Variants in SLC35E2B observed in about 807,000 individuals in gnomAD.
SLC35E2B encodes the protein solute carrier family 35, member E2B.
SLC35E2B carries 18 observed loss-of-function variants against 32.4 expected under a neutral mutation model. That is an observed-to-expected ratio of 0.56 (90% CI 0.38 to 0.82). The LOEUF is 0.82. Ranked by LOEUF, SLC35E2B falls within the 40% of genes least tolerant of loss-of-function variation. The pLI is 0.00. For missense variants in SLC35E2B, 263 were observed against 469.5 expected (o/e 0.56, Z 4.06); for synonymous variants, 132 against 209.1 (o/e 0.63, Z 3.18).
At chr1:1,679,509 C>T (rs72901707) in intron 2 of SLC35E2B, among the ~76,000 whole-genome samples, 11 of 152,120 alleles carry the variant, frequency 7.2e-5, no homozygotes, top group Non-Finnish European at 1.5e-4. Flanking sequence ...TTCACTGACG[C>T]TGCCGTTCTC....
At position 1,669,385 on chromosome 1, in the gene SLC35E2B, T is replaced by TA. The variant is rs1387478979; in HGVS notation, c.834+278dup. 4.6e-5 allele frequency among the ~76,000 whole-genome samples: 7 copies of TA among 151,508 alleles called. No individual in the cohort carries two copies. In the South Asian group the frequency reaches 1.0e-3, roughly 23 times the overall value. On this transcript the variant is annotated intron_variant, in intron 8 of 9. Transcript: ENST00000617444. ...AAATAAAAAAAAAAAGTTTTTCTAA[T>TA]AAAAAAAAGAAATTAAGCTAACCTA...
intron 2 of SLC35E2B, among the ~76,000 whole-genome samples, chr1:1,687,773 T>C (rs1643969501): frequency 1.3e-5 from 2 of 150,294 alleles, no homozygotes; most frequent in South Asian, 4.2e-4. Flanking sequence ...CGGGTGCCTG[T>C]AGTCCCAGCC....
In SLC35E2B at chr1:1,691,316, CCTTT is replaced by C. The variant is rs1207321357; in HGVS notation, c.-492_-489del. 4 of 150,350 alleles carry C rather than the reference CCTTT, an allele frequency of 2.7e-5. No homozygotes were observed. The highest frequency in any genetic ancestry group is 9.8e-5 in the African/African-American group (4 of 40,624). 9.3% of individuals were successfully genotyped at this position (150,350 alleles called of 1,614,324 possible). A position where few individuals can be genotyped will look rare whatever the true frequency, so the allele number is the denominator to read the frequency against. On this transcript the variant is annotated 5_prime_UTR_variant, in exon 2 of 10. The change creates a premature stop within an existing upstream ORF in the 5' untranslated region. Coordinates refer to ENST00000617444, the MANE Select transcript of SLC35E2B (RefSeq NM_001290264.2). The stretch of plus-strand genomic sequence containing the variant: ...AGAGCAGCCAGGACAGGAGCCCAGA[CCTTT>C]CTGAACCTCATCTCAGAAGTGACAT...
chr1:1,665,091 G>A lies in SLC35E2B; in HGVS notation c.*691C>T, dbSNP rs1007876922. ...CCCAGGGTGTGGAAGGGATAGGAGG[G>A]CAGGGTGTGGAAGAGGTAGGGGGCC... On this transcript the variant is annotated 3_prime_UTR_variant, in exon 10 of 10. Transcript: ENST00000617444. The A allele has an allele frequency of 2.6e-6, 1 of 383,782 alleles. No homozygotes were observed. Among genetic ancestry groups the A allele is most frequent in the Non-Finnish European group, 3.6e-6 (1 of 279,970 alleles). 23.8% of individuals were successfully genotyped at this position (383,782 alleles called of 1,614,324 possible).
At chr1:1,672,349 AAAG>A (rs1643716506) in intron 5 of SLC35E2B, 3 of 152,244 alleles carry the variant, frequency 2.0e-5, no homozygotes. Context: ...CCTTGTCTCA[AAAG>A]AAGAAAGAGA....
intron 2 of SLC35E2B, among the ~76,000 whole-genome samples, chr1:1,677,501 G>A (rs1643863910): frequency 1.4e-5 from 2 of 146,624 alleles, no homozygotes; most frequent in Admixed American, 6.8e-5. Flanking sequence ...TTTTTGAGAC[G>A]GAGTATTGCT....
rs368254930 is a variant in SLC35E2B, at chr1:1,666,201, G to A, written c.981-182C>T. 4.4e-3 allele frequency among the ~76,000 whole-genome samples: 668 copies of A among 152,260 alleles called. 3 individuals carry two copies. Among genetic ancestry groups the A allele is most frequent in the African/African-American group, 0.015 (609 of 41,544 alleles). The stretch of plus-strand genomic sequence containing the variant: ...CCGGGTCTGGAGGCCAGGATGGGGC[G>A]GGGGTGCTCAACGGGACCTCGGTGG... On this transcript the variant is annotated intron_variant, in intron 9 of 9. Coordinates refer to ENST00000617444, the MANE Select transcript of SLC35E2B (RefSeq NM_001290264.2).
At chr1:1,689,829 A>C (rs1266452634) in intron 2 of SLC35E2B, among the ~76,000 whole-genome samples, 1 of 150,930 alleles carries the variant, frequency 6.6e-6, no homozygotes, top group Non-Finnish European at 1.5e-5. Flanking sequence ...TCTACTAAAA[A>C]TACAAAAATT....
Position 1,669,638 on chromosome 1 carries a change from ACGGGACGC to A in SLC35E2B, c.834+18_834+25del. The A allele has an allele frequency of 1.3e-6, 2 of 1,510,794 alleles. No homozygotes were observed. Among genetic ancestry groups the A allele is most frequent in the Non-Finnish European group, 1.8e-6 (2 of 1,117,770 alleles). The allele number at this position is 1,510,794 out of a possible 1,614,324, so 93.6% of individuals were successfully genotyped here. On this transcript the variant is annotated intron_variant, in intron 8 of 9. Coordinates refer to ENST00000617444, the MANE Select transcript of SLC35E2B (RefSeq NM_001290264.2). The stretch of plus-strand genomic sequence containing the variant: ...GGAGAAGGCAGCCCGGCAAGTAAGG[ACGGGACGC>A]CTGTGTCTGAAACCCACCGTAAAGA...
intron 2 of SLC35E2B, among the ~76,000 whole-genome samples, chr1:1,686,321 CTTTTT>C (rs375495225): frequency 1.2e-4 from 15 of 127,782 alleles, no homozygotes; most frequent in Non-Finnish European, 2.0e-4. Flanking sequence ...CTTTTTTTTT[CTTTTT>C]TTTTTTTTTT....
At chr1:1,683,249 GT>G (rs894405437) in intron 2 of SLC35E2B, among the ~76,000 whole-genome samples, 1 of 152,070 alleles carries the variant, frequency 6.6e-6, no homozygotes, top group Non-Finnish European at 1.5e-5. Flanking sequence ...TCCCGAAGCC[GT>G]CCCCCTGGGG....
intron 2 of SLC35E2B, among the ~76,000 whole-genome samples, chr1:1,679,859 G>A (rs28376104): frequency 0.061 from 9,088 of 149,660 alleles, 949 homozygotes; most frequent in African/African-American, 0.21. Flanking sequence ...AATGCTGGGC[G>A]CGATGGCTCA....
chr1:1,671,429 C>G (rs1643688054), intron 6 of SLC35E2B, 80 bp downstream of exon 6: 2 of 1,299,390 alleles, frequency 1.5e-6, no homozygotes, highest in African/African-American at 3.1e-5. Flanking sequence ...GAATTCTCAG[C>G]TCACCTGAGA....
intron 5 of SLC35E2B, 51 bp from the exon 6 acceptor site, chr1:1,671,680 C>T: frequency 6.9e-7 from 1 of 1,447,550 alleles, no homozygotes. Context: ...GCGGACGCTC[C>T]CTCCCGAGGG....
intron 6 of SLC35E2B, chr1:1,670,663 C>CA (rs1279548074): frequency 6.5e-6 from 1 of 153,436 alleles, no homozygotes; most frequent in Non-Finnish European, 1.5e-5. Flanking sequence ...CCTCGTGATC[C>CA]ACCCGCCTTG....
At position 1,671,519 on chromosome 1, in the gene SLC35E2B, T is replaced by C. The variant is rs1643691203; in HGVS notation, c.697A>G (p.Ile233Val). The change falls in exon 6 of 10, where the codon ATC becomes GTC. Residue 233 changes from isoleucine (I) to valine (V), a missense_variant. By Grantham distance (29) the Ile-to-Val change is conservative. Transcript: ENST00000617444. ...TTCTCTGTGACTCACCAGTCCATGATGTTGGTGGACAGTGCGGCCGAGAAC... is the reference window on the plus strand; with the variant it reads ...TTCTCTGTGACTCACCAGTCCATGACGTTGGTGGACAGTGCGGCCGAGAAC... ...LGFSAALSTN[I>V]MDCLQNVFSK... The C allele has an allele frequency of 2.0e-6, 3 of 1,535,022 alleles. No homozygotes were observed. Among genetic ancestry groups the C allele is most frequent in the African/African-American group, 1.4e-5 (1 of 72,278 alleles).
intron 9 of SLC35E2B, 106 bp from the exon 10 acceptor site, chr1:1,666,125 G>T (rs971765940): frequency 9.4e-5 from 124 of 1,325,886 alleles, no homozygotes; most frequent in Non-Finnish European, 1.2e-4. Flanking sequence ...TGGGGTTGGG[G>T]GACTCAGCGT....
intron 2 of SLC35E2B, among the ~76,000 whole-genome samples, chr1:1,690,063 C>T (rs1644000446): frequency 6.7e-6 from 1 of 150,134 alleles, no homozygotes; most frequent in East Asian, 2.0e-4. Flanking sequence ...GGGTGGATCA[C>T]CTGAGGTTGG....
chr1:1,691,454 AC>A (rs1644015534), intron 1 of SLC35E2B, 61 bp from the exon 2 acceptor site: 1 of 136,668 alleles, frequency 7.3e-6, no homozygotes, highest in Non-Finnish European at 1.6e-5. Flanking sequence ...TGCTCGTCCC[AC>A]CACAGGAATC....
Sources: allele counts gnomAD v4.1 joint callset (sites outside exome capture counted in the v4.1 genomes callset), GRCh38; gene constraint gnomAD v4.1.1; transcripts MANE v1.5; gene names NCBI Gene and HGNC (gene_info 2026-07-23, HGNC 2026-07-21).